Variants in CAMTA1 observed in about 807,000 individuals in gnomAD.
The protein encoded by CAMTA1 is calmodulin-binding transcription activator 1.
In CAMTA1, 27 loss-of-function variants were observed where a neutral mutation model predicts 170.9. That is an observed-to-expected ratio of 0.16 (90% CI 0.12 to 0.22). CAMTA1 has a LOEUF of 0.22. Ranked by LOEUF, CAMTA1 falls within the 10% of genes least tolerant of loss-of-function variation. CAMTA1 has a pLI of 1.00. For missense variants in CAMTA1, 1,619 were observed against 2,217.2 expected, an observed-to-expected ratio of 0.73 and a Z score of 5.42; for synonymous variants, 833 against 891.5, an observed-to-expected ratio of 0.93 and a Z score of 1.17.
At chr1:6,834,502 G>A (rs1652001550) in intron 3 of CAMTA1, 1 of 255,362 alleles carries the variant, frequency 3.9e-6, no homozygotes, top group Non-Finnish European at 7.6e-6. Context: ...TGCACTTGGC[G>A]GGGTAGCCAC....
intron 3 of CAMTA1, among the ~76,000 whole-genome samples, chr1:7,015,853 A>G (rs1207149299): frequency 6.6e-6 from 1 of 151,946 alleles, no homozygotes; most frequent in Admixed American, 6.6e-5. Flanking sequence ...ACTTACAATC[A>G]TGGCAGAAGG....
chr1:6,947,959 A>G (rs1466436450), intron 3 of CAMTA1, among the ~76,000 whole-genome samples: 1 of 152,168 alleles, frequency 6.6e-6, no homozygotes, highest in Non-Finnish European at 1.5e-5. Context: ...AGATCATCTC[A>G]TCTGTGAATT....
At chr1:7,177,479 C>A (rs1651130587) in intron 4 of CAMTA1, among the ~76,000 whole-genome samples, 1 of 140,282 alleles carries the variant, frequency 7.1e-6, no homozygotes, top group African/African-American at 2.8e-5. Context: ...GGCCCCCCCA[C>A]ACACACTGAA....
In CAMTA1 at chr1:7,422,734, A is replaced by C. The variant is rs1026524699; in HGVS notation, c.439-45096A>C. Among the ~76,000 whole-genome samples the C allele has an allele frequency of 4.6e-5, 7 of 151,982 alleles. 1 individual carries two copies. In the South Asian group the frequency reaches 1.5e-3, roughly 32 times the overall value. ...TGTCAACCCTAGGGCCCTCACACCC[A>C]CTCCATAGGCAGCTTCCCACATGGG... On this transcript the variant is annotated intron_variant, in intron 5 of 22. Coordinates refer to ENST00000303635, the MANE Select transcript of CAMTA1 (RefSeq NM_015215.4).
intron 5 of CAMTA1, among the ~76,000 whole-genome samples, chr1:7,377,616 G>A (rs1477510429): frequency 6.6e-6 from 1 of 152,208 alleles, no homozygotes; most frequent in African/African-American, 2.4e-5. Context: ...ACTAAGGATT[G>A]ACAAACTATG....
intron 9 of CAMTA1, among the ~76,000 whole-genome samples, chr1:7,667,170 T>C (rs911195148): frequency 6.6e-6 from 1 of 152,126 alleles, no homozygotes; most frequent in Non-Finnish European, 1.5e-5. Context: ...ATTTCGGGCA[T>C]GAGCCACCAC....
intron 11 of CAMTA1, among the ~76,000 whole-genome samples, chr1:7,690,902 C>T (rs1303871911): frequency 3.9e-5 from 6 of 152,218 alleles, no homozygotes; most frequent in Admixed American, 3.3e-4. Context: ...AGCTGCCTCC[C>T]AGGGCTAGAG....
chr1:7,043,235 C>T (rs568654495), intron 3 of CAMTA1, among the ~76,000 whole-genome samples: 1 of 152,286 alleles, frequency 6.6e-6, no homozygotes, highest in East Asian at 1.9e-4. Context: ...CCTCCTCTTT[C>T]CCCCACCCTA....
At chr1:6,924,202 C>T (rs1190482429) in intron 3 of CAMTA1, among the ~76,000 whole-genome samples, 2 of 152,356 alleles carry the variant, frequency 1.3e-5, no homozygotes, top group African/African-American at 4.8e-5. Context: ...AAGAGGGAAG[C>T]CTCCCTGCTC....
intron 6 of CAMTA1, among the ~76,000 whole-genome samples, chr1:7,549,350 C>A (rs543352662): frequency 6.6e-6 from 1 of 152,004 alleles, no homozygotes; most frequent in Non-Finnish European, 1.5e-5. Context: ...CATTTTCTTC[C>A]GGGTTGACCT....
chr1:6,909,055 A>AT (rs1219921260), intron 3 of CAMTA1, among the ~76,000 whole-genome samples: 2 of 152,148 alleles, frequency 1.3e-5, no homozygotes, highest in Non-Finnish European at 2.9e-5. Flanking sequence ...CCTTTTAAAA[A>AT]TTTTTTTCCA....
chr1:6,997,656 C>CTTTTCT (rs201500847), intron 3 of CAMTA1, among the ~76,000 whole-genome samples: 2 of 128,400 alleles, frequency 1.6e-5, no homozygotes, highest in South Asian at 4.6e-4. Context: ...CCTTTCTTTT[C>CTTTTCT]TTTCTTTTTT....
chr1:7,671,172 G>A, intron 10 of CAMTA1, 135 bp downstream of exon 10: 1 of 957,058 alleles, frequency 1.0e-6, no homozygotes, highest in East Asian at 2.5e-5. Flanking sequence ...CTGTGAAGAA[G>A]CGGATCCCCG....
Position 7,209,979 on chromosome 1 carries a change from G to GT in CAMTA1, c.303-39511dup, listed in dbSNP as rs1658465097. 2.0e-5 allele frequency among the ~76,000 whole-genome samples: 3 copies of GT among 152,174 alleles called. 1 individual carries two copies. In the South Asian group the frequency reaches 6.2e-4, roughly 32 times the overall value. ...ATGCACATGACTGAACCATTTGAAA[G>GT]TAAGTTTCAGACATGATGCCCCGTT... On this transcript the variant is annotated intron_variant, in intron 4 of 22. Coordinates refer to ENST00000303635, the MANE Select transcript of CAMTA1 (RefSeq NM_015215.4).
intron 7 of CAMTA1, among the ~76,000 whole-genome samples, chr1:7,646,679 G>A (rs2148990668): frequency 1.3e-5 from 2 of 150,184 alleles, no homozygotes; most frequent in South Asian, 4.3e-4. Context: ...GGAGGCCATG[G>A]TGACTGTGAG....
chr1:7,021,107 C>T (rs1701278333), intron 3 of CAMTA1, among the ~76,000 whole-genome samples: 1 of 152,254 alleles, frequency 6.6e-6, no homozygotes, highest in Non-Finnish European at 1.5e-5. Context: ...GCTGGCCATA[C>T]AACTGCAGGT....
chr1:7,124,851 C>G (rs1319438579), intron 4 of CAMTA1, among the ~76,000 whole-genome samples: 3 of 152,110 alleles, frequency 2.0e-5, no homozygotes, highest in Non-Finnish European at 4.4e-5. Context: ...TCTTAAAGAA[C>G]AAAGATTTTA....
chr1:7,217,508 A>T (rs1335400153), intron 4 of CAMTA1, among the ~76,000 whole-genome samples: 1 of 152,078 alleles, frequency 6.6e-6, no homozygotes, highest in African/African-American at 2.4e-5. Context: ...AAACCCATTC[A>T]CTTTTATTTA....
chr1:7,011,247 G>A (rs1397844376), intron 3 of CAMTA1, among the ~76,000 whole-genome samples: 1 of 152,056 alleles, frequency 6.6e-6, no homozygotes, highest in East Asian at 1.9e-4. Context: ...TCTTTTCGCC[G>A]AGACTGGAGG....
Sources: gnomAD v4.1 joint callset for allele counts (sites outside exome capture counted in the v4.1 genomes callset) on GRCh38, gnomAD v4.1.1 for gene constraint, MANE v1.5 for transcripts, NCBI Gene and HGNC (gene_info 2026-07-23, HGNC 2026-07-21) for gene names.